The following OSBPL8 variants were observed in gnomAD, a reference collection of about 807,000 sequenced individuals.
The protein encoded by OSBPL8 is oxysterol-binding protein-related protein 8.
OSBPL8 carries 59 observed loss-of-function variants against 125.5 expected under a neutral mutation model. That is an observed-to-expected ratio of 0.47 (90% CI 0.38 to 0.58). The LOEUF is 0.58. Among genes scored for constraint, OSBPL8 ranks in the 20% least tolerant of loss-of-function variants. The pLI is 0.00. For missense variants in OSBPL8, 758 were observed against 1,047.8 expected, an observed-to-expected ratio of 0.72 and a Z score of 3.82; for synonymous variants, 330 against 338.9, an observed-to-expected ratio of 0.97 and a Z score of 0.29.
intron 7 of OSBPL8, among the ~76,000 whole-genome samples, chr12:76,398,802 T>C (rs1012164849): frequency 2.0e-5 from 3 of 151,880 alleles, no homozygotes; most frequent in Non-Finnish European, 4.4e-5. Context: ...GAGCCAGGCA[T>C]GAAGAAAAGA....
intron 11 of OSBPL8, chr12:76,390,121 T>C (rs1363386162): frequency 1.4e-5 from 6 of 420,736 alleles, no homozygotes; most frequent in Non-Finnish European, 2.5e-5. Flanking sequence ...AACAAAGTTA[T>C]AAACTCACGT....
At chr12:76,394,318 A>G (rs980251235) in intron 9 of OSBPL8, among the ~76,000 whole-genome samples, 3 of 152,168 alleles carry the variant, frequency 2.0e-5, no homozygotes, top group African/African-American at 7.2e-5. Flanking sequence ...GGTAACATTT[A>G]GTAGTAAAAT....
chr12:76,492,114 G>T (rs1878780473), intron 1 of OSBPL8, among the ~76,000 whole-genome samples: 1 of 152,026 alleles, frequency 6.6e-6, no homozygotes, highest in African/African-American at 2.4e-5. Context: ...ATAGGAAAAA[G>T]TAAAACAGGC....
At chr12:76,393,575 G>A (rs1953655697) in intron 9 of OSBPL8, among the ~76,000 whole-genome samples, 1 of 151,360 alleles carries the variant, frequency 6.6e-6, no homozygotes, top group South Asian at 2.1e-4. Context: ...GCCGGGTGTG[G>A]TGGCAGGCGC....
chr12:76,440,405 T>C (rs1475049454), intron 4 of OSBPL8, among the ~76,000 whole-genome samples: 4 of 152,274 alleles, frequency 2.6e-5, no homozygotes, highest in Non-Finnish European at 5.9e-5. Context: ...TTTAATTTTT[T>C]ATTGATTTTA....
chr12:76,364,068 T>A (rs1020859862), intron 21 of OSBPL8, among the ~76,000 whole-genome samples: 2 of 152,192 alleles, frequency 1.3e-5, no homozygotes, highest in African/African-American at 4.8e-5. Context: ...GTAAATTAGT[T>A]CAACCATTGT....
chr12:76,544,330 TCCAAATA>T (rs761450525), intron 1 of OSBPL8, among the ~76,000 whole-genome samples: 2 of 152,192 alleles, frequency 1.3e-5, no homozygotes, highest in South Asian at 2.1e-4. Flanking sequence ...TGCCACCTTT[TCCAAATA>T]CCAAATACCA....
At chr12:76,513,142 G>A (rs1428765606) in intron 1 of OSBPL8, among the ~76,000 whole-genome samples, 3 of 152,148 alleles carry the variant, frequency 2.0e-5, no homozygotes, top group South Asian at 2.1e-4. Context: ...TATTTATATT[G>A]CACTGTGGTC....
chr12:76,427,338 C>T (rs909159148), intron 4 of OSBPL8, among the ~76,000 whole-genome samples: 10 of 151,788 alleles, frequency 6.6e-5, no homozygotes, highest in African/African-American at 1.7e-4. Context: ...TATGTATACT[C>T]GCACATATGT....
intron 3 of OSBPL8, among the ~76,000 whole-genome samples, chr12:76,452,922 T>C (rs1254463570): frequency 1.3e-5 from 2 of 152,108 alleles, no homozygotes; most frequent in African/African-American, 4.8e-5. Context: ...GGCTCAAAGG[T>C]CATCTCTTCA....
At chr12:76,537,373 C>G (rs978404965) in intron 1 of OSBPL8, among the ~76,000 whole-genome samples, 51 of 152,232 alleles carry the variant, frequency 3.4e-4, no homozygotes, top group African/African-American at 1.2e-3. Flanking sequence ...TACATTTAAA[C>G]GTGTTTAATT....
chr12:76,357,911 T>G lies in OSBPL8; in HGVS notation c.2434+795A>C, dbSNP rs1213645789. Among the ~76,000 whole-genome samples the G allele has an allele frequency of 2.0e-5, 3 of 152,120 alleles. No individual in the cohort carries two copies. In the East Asian group the frequency reaches 5.8e-4, roughly 29 times the overall value. On this transcript the variant is annotated intron_variant, in intron 22 of 23. Coordinates refer to ENST00000261183, the MANE Select transcript of OSBPL8 (RefSeq NM_020841.5). ...ACTTTAATCCTTTCATGATTATATCTCAATGTAGTTCAAGATACTTTACAC... is the reference window on the plus strand; with the variant it reads ...ACTTTAATCCTTTCATGATTATATCGCAATGTAGTTCAAGATACTTTACAC...
At chr12:76,468,762 T>C (rs1056678835) in intron 2 of OSBPL8, among the ~76,000 whole-genome samples, 1 of 152,240 alleles carries the variant, frequency 6.6e-6, no homozygotes, top group African/African-American at 2.4e-5. Flanking sequence ...CAATTGTTAT[T>C]TAACTTTTCT....
intron 13 of OSBPL8, 78 bp downstream of exon 13, chr12:76,386,501 A>C: frequency 7.2e-7 from 1 of 1,385,780 alleles, no homozygotes; most frequent in South Asian, 1.4e-5. Flanking sequence ...AACTGTTAAC[A>C]CACAATCTAC....
intron 4 of OSBPL8, among the ~76,000 whole-genome samples, chr12:76,415,088 G>A (rs1411660761): frequency 6.6e-6 from 1 of 152,168 alleles, no homozygotes; most frequent in Non-Finnish European, 1.5e-5. Flanking sequence ...TCATGTCAAA[G>A]TTATACTAAT....
intron 1 of OSBPL8, among the ~76,000 whole-genome samples, chr12:76,546,076 G>A (rs1174003759): frequency 6.6e-6 from 1 of 152,100 alleles, no homozygotes; most frequent in African/African-American, 2.4e-5. Flanking sequence ...CGCAGGTTCC[G>A]CAGGGCCAGC....
intron 1 of OSBPL8, among the ~76,000 whole-genome samples, chr12:76,539,018 G>C (rs1565981835): frequency 8.0e-6 from 1 of 125,170 alleles, no homozygotes; most frequent in Non-Finnish European, 1.6e-5. Context: ...AAAAAGGAAT[G>C]AGAAGTCCTA....
intron 1 of OSBPL8, among the ~76,000 whole-genome samples, chr12:76,512,346 T>C (rs546057479): frequency 6.6e-6 from 1 of 152,326 alleles, no homozygotes; most frequent in East Asian, 1.9e-4. Context: ...GGTGTATATG[T>C]ACATTTTCTT....
intron 16 of OSBPL8, among the ~76,000 whole-genome samples, chr12:76,377,193 G>C (rs541213191): frequency 6.6e-6 from 1 of 152,228 alleles, no homozygotes; most frequent in African/African-American, 2.4e-5. Flanking sequence ...CATTTGGGTT[G>C]GTCCCAAGTC....
Sources: allele counts gnomAD v4.1 joint callset (sites outside exome capture counted in the v4.1 genomes callset), GRCh38; gene constraint gnomAD v4.1.1; transcripts MANE v1.5; gene names NCBI Gene and HGNC (gene_info 2026-07-23, HGNC 2026-07-21).